Variants in RNF43 observed in about 807,000 individuals in gnomAD.
RNF43 encodes the protein E3 ubiquitin-protein ligase RNF43.
A neutral mutation model predicts 78.4 loss-of-function variants in RNF43; 37 were observed. The ratio of observed to expected loss-of-function variants is 0.47; its 90% confidence interval spans 0.36 to 0.62. RNF43 has a LOEUF of 0.62. Among genes scored for constraint, RNF43 ranks in the 20% least tolerant of loss-of-function variants. RNF43 has a pLI of 0.00. For synonymous variants in RNF43, 347 were observed against 395.0 expected (o/e 0.88, Z 1.44); for missense variants, 774 against 1,007.9 (o/e 0.77, Z 3.14).
intron 3 of RNF43, among the ~76,000 whole-genome samples, chr17:58,369,753 T>C (rs2143505709): frequency 6.6e-6 from 1 of 152,336 alleles, no homozygotes; most frequent in South Asian, 2.1e-4. Context: ...ATACATCAAA[T>C]GAAGAATAAT....
intron 2 of RNF43, among the ~76,000 whole-genome samples, chr17:58,399,768 A>G (rs560708390): frequency 6.6e-6 from 1 of 152,036 alleles, no homozygotes; most frequent in South Asian, 2.1e-4. Context: ...CAGCCTCCCA[A>G]GTAGCTGGGA....
chr17:58,399,893 G>A (rs960839184), intron 2 of RNF43, among the ~76,000 whole-genome samples: 3 of 152,106 alleles, frequency 2.0e-5, no homozygotes, highest in Admixed American at 1.3e-4. Flanking sequence ...ACCCGCCTCA[G>A]CCTCCCAAAG....
intron 2 of RNF43, among the ~76,000 whole-genome samples, chr17:58,403,431 G>T (rs1303414614): frequency 6.6e-6 from 1 of 152,168 alleles, no homozygotes; most frequent in Non-Finnish European, 1.5e-5. Context: ...GCAGGAGAAA[G>T]AAAAGGTTTT....
At chr17:58,367,804 G>A (rs1321431700) in intron 3 of RNF43, among the ~76,000 whole-genome samples, 1 of 152,114 alleles carries the variant, frequency 6.6e-6, no homozygotes, top group Non-Finnish European at 1.5e-5. Context: ...ACAAATGGAA[G>A]GAAAAATACC....
chr17:58,394,012 C>T (rs566782536), intron 2 of RNF43, among the ~76,000 whole-genome samples: 2 of 151,948 alleles, frequency 1.3e-5, no homozygotes, highest in South Asian at 4.2e-4. Context: ...GCTGAGATTG[C>T]GCCACTGCAC....
intron 3 of RNF43, among the ~76,000 whole-genome samples, chr17:58,368,563 A>T (rs1049412823): frequency 6.6e-6 from 1 of 150,946 alleles, no homozygotes; most frequent in African/African-American, 2.4e-5. Context: ...AAAAAAAAAA[A>T]TTAGCTGGGT....
At chr17:58,397,277 C>A (rs1784612370) in intron 2 of RNF43, among the ~76,000 whole-genome samples, 1 of 151,736 alleles carries the variant, frequency 6.6e-6, no homozygotes. Flanking sequence ...AGACCAAAAA[C>A]ATGAAAAGAA....
At chr17:58,398,768 G>A (rs1027153474) in intron 2 of RNF43, among the ~76,000 whole-genome samples, 5 of 152,132 alleles carry the variant, frequency 3.3e-5, no homozygotes, top group Admixed American at 1.3e-4. Context: ...CATCAAACAA[G>A]GCCACTGGAA....
intron 1 of RNF43, 59 bp from the exon 2 acceptor site, chr17:58,416,021 A>G (rs1301914181): frequency 9.7e-6 from 2 of 206,538 alleles, no homozygotes; most frequent in African/African-American, 4.6e-5. Context: ...CCATGCATCA[A>G]AGGTGAGCGT....
At chr17:58,370,811 A>G (rs1172458317) in intron 3 of RNF43, 100 bp downstream of exon 3, 2 of 1,308,688 alleles carry the variant, frequency 1.5e-6, no homozygotes, top group Non-Finnish European at 2.0e-6. Context: ...AATCAGGTAC[A>G]TCACTCTTAG....
Position 58,357,388 on chromosome 17 carries a change from G to C in RNF43, c.2308+80C>G, listed in dbSNP as rs1972707413. Reference sequence around the variant, plus strand: ...CCTTCTCAGCTTCCATCAACCCTTTGTTGGCTGACTTCACCTGTCCTGAAA... The same window carrying C: ...CCTTCTCAGCTTCCATCAACCCTTTCTTGGCTGACTTCACCTGTCCTGAAA... On this transcript the variant is annotated intron_variant, in intron 9 of 9. Coordinates refer to ENST00000407977, the MANE Select transcript of RNF43 (RefSeq NM_017763.6). The surrounding 1 kb of genome is among the most constrained non-coding windows in gnomAD (Gnocchi z 4.5). 1.9e-6 allele frequency: 3 copies of C among 1,567,012 alleles called. No individual in the cohort carries two copies. The highest frequency in any genetic ancestry group is 2.6e-6 in the Non-Finnish European group (3 of 1,137,676).
At chr17:58,370,027 TG>T (rs1425931255) in intron 3 of RNF43, among the ~76,000 whole-genome samples, 1 of 150,590 alleles carries the variant, frequency 6.6e-6, no homozygotes, top group African/African-American at 2.4e-5. Flanking sequence ...CAATGTGCTT[TG>T]CAGGTTTCTT....
At chr17:58,386,740 CTCTTCT>C (rs923257878) in intron 2 of RNF43, among the ~76,000 whole-genome samples, 1 of 152,156 alleles carries the variant, frequency 6.6e-6, no homozygotes, top group African/African-American at 2.4e-5. Flanking sequence ...CATGAAGAAT[CTCTTCT>C]TCTTCATCTG....
chr17:58,363,540 C>G lies in RNF43; in HGVS notation c.436G>C (p.Ala146Pro). 1.2e-6 allele frequency: 2 copies of G among 1,612,616 alleles called. No homozygotes were observed. The highest frequency in any genetic ancestry group is 1.7e-6 in the Non-Finnish European group (2 of 1,178,890). ...TCCCTGGGTACCTGCTCAGCAGCAG[C>G]TCGATCCTCAGTGATGTCAAAGAGG... ...AVLFDITEDR[A>P]AAEQLQQPLG... is the part of the protein sequence containing the mutation. The change falls in exon 4 of 10, where the codon GCT becomes CCT. Residue 146 changes from alanine to proline, a missense_variant. Ala to Pro is a conservative substitution (Grantham distance 27). Coordinates refer to ENST00000407977, the MANE Select transcript of RNF43 (RefSeq NM_017763.6).
chr17:58,376,520 T>C (rs898820479), intron 2 of RNF43, among the ~76,000 whole-genome samples: 11 of 152,192 alleles, frequency 7.2e-5, no homozygotes, highest in African/African-American at 1.4e-4. Context: ...ATAATAGCCA[T>C]TTGAACTAGG....
At position 58,399,070 on chromosome 17, in the gene RNF43, A is replaced by T. The variant is rs114986255; in HGVS notation, c.252+16256T>A. On this transcript the variant is annotated intron_variant, in intron 2 of 9. Transcript: ENST00000407977. ...TGTACTGGTGATTGAAATGAATTAT[A>T]ATACCATGCAAGTGTTGAAAGGATA... Among the ~76,000 whole-genome samples the T allele has an allele frequency of 4.4e-3, 673 of 152,338 alleles. 4 individuals are homozygous for T. Among genetic ancestry groups the T allele is most frequent in the African/African-American group, 0.015 (642 of 41,568 alleles).
rs73317740 is a variant in RNF43 at position 58,409,037 on chromosome 17, C to T, written c.252+6289G>A. On this transcript the variant is annotated intron_variant, in intron 2 of 9. Coordinates refer to ENST00000407977, the MANE Select transcript of RNF43 (RefSeq NM_017763.6). ...AGCAGGAAAGGAGAATATGAGTCCT[C>T]AGGGAAATAGGAAAAGACCTTTAGG... 4.2e-3 allele frequency among the ~76,000 whole-genome samples: 643 copies of T among 152,224 alleles called. 4 individuals are homozygous for T. Among genetic ancestry groups the T allele is most frequent in the African/African-American group, 0.014 (597 of 41,528 alleles).
rs372654523 is a variant in RNF43, at chr17:58,400,641, C to A, written c.252+14685G>T. Reference sequence around the variant, plus strand: ...GTCATAAAGCTAAGAAGGATCAGCACTGAGATTAAAATACAAGTCTACTGA... The same window carrying A: ...GTCATAAAGCTAAGAAGGATCAGCAATGAGATTAAAATACAAGTCTACTGA... On this transcript the variant is annotated intron_variant, in intron 2 of 9. Transcript: ENST00000407977. Among the ~76,000 whole-genome samples, 31 of 152,292 alleles carry A rather than the reference C, an allele frequency of 2.0e-4. No individual in the cohort carries two copies. The East Asian group carries it at 4.0e-3, about 20-fold the overall frequency.
In RNF43 at chr17:58,360,314, G is replaced by A. The variant is rs966636772; in HGVS notation, c.850-63C>T. The A allele has an allele frequency of 7.9e-7, 1 of 1,260,984 alleles. No individual in the cohort carries two copies. The highest frequency in any genetic ancestry group is 1.7e-5 in the Admixed American group (1 of 58,282). 78.1% of individuals were successfully genotyped at this position (1,260,984 alleles called of 1,614,324 possible). ...TAGCCATAGGAATTGCCAGGAATCA[G>A]GACATCCCCCAACTCCCTTAGGCCT... On this transcript the variant is annotated intron_variant, in intron 7 of 9. Coordinates refer to ENST00000407977, the MANE Select transcript of RNF43 (RefSeq NM_017763.6). This position sits in a 1 kb window ranked among gnomAD's most constrained non-coding sequence, Gnocchi z 4.3.
Sources: allele counts gnomAD v4.1 joint callset (sites outside exome capture counted in the v4.1 genomes callset), GRCh38; gene constraint gnomAD v4.1.1; non-coding constraint Gnocchi (gnomAD v3.1); transcripts MANE v1.5; gene names NCBI Gene and HGNC (gene_info 2026-07-23, HGNC 2026-07-21).